The following SYTL2 variants were observed in gnomAD, a reference collection of about 807,000 sequenced individuals.
The protein encoded by SYTL2 is synaptotagmin like 2, also known as synaptotagmin-like protein 2.
Under a neutral mutation model 198.7 loss-of-function variants are expected in SYTL2, and 165 were observed. That is an observed-to-expected ratio of 0.83 (90% CI 0.73 to 0.94). SYTL2 has a LOEUF of 0.94. SYTL2 is among the 40% of genes least tolerant of loss of function. The pLI, the probability that SYTL2 is intolerant of heterozygous loss-of-function variation, is 0.00. For synonymous variants in SYTL2, 966 were observed against 917.7 expected (o/e 1.05, Z -0.95); for missense variants, 2,835 against 2,582.8 (o/e 1.10, Z -2.12).
the SYTL2 span, among the ~76,000 whole-genome samples, chr11:85,850,232 A>C: frequency 2.0e-5 from 3 of 150,758 alleles, no homozygotes; most frequent in African/African-American, 4.9e-5. Flanking sequence ...GTCGTCTGCA[A>C]ACAGGGACAA....
chr11:85,736,409 G>T, intron 6 of SYTL2, 92 bp downstream of exon 6: 1 of 668,956 alleles, frequency 1.5e-6, no homozygotes. Context: ...ACTTTCTCTT[G>T]GAAGTTATTT....
chr11:85,735,183 A>G (rs589327), intron 6 of SYTL2, among the ~76,000 whole-genome samples: 102,124 of 152,100 alleles, frequency 0.67, 34,824 homozygotes, highest in African/African-American at 0.79. Flanking sequence ...CTTTTGCTCA[A>G]TATTGTGAAC....
chr11:85,723,619 A>G (rs1326470069), intron 8 of SYTL2, among the ~76,000 whole-genome samples: 1 of 152,216 alleles, frequency 6.6e-6, no homozygotes, highest in Non-Finnish European at 1.5e-5. Context: ...GCTTAAATGT[A>G]TTAAAGGTAC....
At chr11:85,735,275 T>G (rs2090226032) in intron 6 of SYTL2, among the ~76,000 whole-genome samples, 2 of 152,240 alleles carry the variant, frequency 1.3e-5, no homozygotes, top group Admixed American at 1.3e-4. Context: ...ATTACTGTGC[T>G]TTATATAGTT....
At chr11:85,754,091 G>C (rs1760316158) in intron 2 of SYTL2, among the ~76,000 whole-genome samples, 1 of 152,170 alleles carries the variant, frequency 6.6e-6, no homozygotes, top group South Asian at 2.1e-4. Context: ...ATGATGTTTT[G>C]ATTGGGCTGA....
chr11:85,723,389 G>A (rs1198184228), intron 8 of SYTL2, among the ~76,000 whole-genome samples: 3 of 152,186 alleles, frequency 2.0e-5, no homozygotes, highest in African/African-American at 7.2e-5. Flanking sequence ...ATGAGAGGGA[G>A]AAAGTGGCAA....
chr11:85,829,921 G>C, the SYTL2 span, among the ~76,000 whole-genome samples: 2 of 152,174 alleles, frequency 1.3e-5, no homozygotes, highest in East Asian at 3.8e-4. Flanking sequence ...CTTTGAAACA[G>C]CAGTACACTA....
intron 1 of SYTL2, among the ~76,000 whole-genome samples, chr11:85,790,576 A>C (rs2092713921): frequency 6.6e-6 from 1 of 152,192 alleles, no homozygotes; most frequent in Non-Finnish European, 1.5e-5. Context: ...CAATGTGCCC[A>C]ACCCTGTGCC....
intron 15 of SYTL2, among the ~76,000 whole-genome samples, chr11:85,705,521 A>G (rs2084992409): frequency 6.6e-6 from 1 of 152,132 alleles, no homozygotes; most frequent in South Asian, 2.1e-4. Context: ...CACCTCCCCC[A>G]CTATCAACAT....
At chr11:85,805,391 C>T (rs1010682303) in intron 1 of SYTL2, among the ~76,000 whole-genome samples, 1 of 151,974 alleles carries the variant, frequency 6.6e-6, no homozygotes, top group Non-Finnish European at 1.5e-5. Context: ...AAATGCTAGT[C>T]TAAAACCAAC....
rs374384471 is a variant in SYTL2 at position 85,725,683 on chromosome 11, G to C, written c.3675C>G (p.Pro1225=). 2.2e-5 allele frequency: 35 copies of C among 1,613,914 alleles called. No individual in the cohort carries two copies. In the African/African-American group the frequency reaches 4.1e-4, roughly 19 times the overall value. The change falls in exon 8 of 20, where the codon CCC becomes CCG. Residue 1225 remains proline, a synonymous_variant. Transcript: ENST00000359152. ...KLLKEATGTS[P]SPLQAKLAPV... ...GCGCCAACTTGGCTTGCAAGGGAGA[G>C]GGTGAAGTTCCAGTTGCTTCCTTCA... is the stretch of plus-strand genomic sequence containing the variant.
chr11:85,725,974 G>A lies in SYTL2; in HGVS notation c.3384C>T (p.Cys1128=). 1.2e-6 allele frequency: 2 copies of A among 1,614,092 alleles called. No homozygotes were observed. The highest frequency in any genetic ancestry group is 1.3e-5 in the African/African-American group (1 of 75,056). Residue 1128 remains cysteine (C), a synonymous_variant, in exon 8 of 20, where the codon TGC becomes TGT. Coordinates refer to ENST00000359152, the MANE Select transcript of SYTL2 (RefSeq NM_206927.4). ...GCAAGCTGTCATTAAAAGTGTCTTT[G>A]CAGTCTTTAGACAAAACATTGGTTT... ...IIKTNVLSKD[C]KDTFNDSLQK...
intron 7 of SYTL2, among the ~76,000 whole-genome samples, chr11:85,728,698 T>C (rs2153473607): frequency 6.6e-6 from 1 of 152,302 alleles, no homozygotes; most frequent in African/African-American, 2.4e-5. Flanking sequence ...CCCTGGCACA[T>C]ATCATAAACC....
At chr11:85,832,870 C>A in the SYTL2 span, among the ~76,000 whole-genome samples, 1 of 150,776 alleles carries the variant, frequency 6.6e-6, no homozygotes, top group Non-Finnish European at 1.5e-5. Flanking sequence ...GTGGCATGTG[C>A]CTGTAGTCCC....
intron 3 of SYTL2, among the ~76,000 whole-genome samples, chr11:85,746,558 C>T (rs2091167479): frequency 6.6e-6 from 1 of 152,160 alleles, no homozygotes; most frequent in Admixed American, 6.5e-5. Context: ...TTGCCTAAGG[C>T]CACAGAGCCA....
intron 1 of SYTL2, among the ~76,000 whole-genome samples, chr11:85,781,810 C>T (rs1681544985): frequency 6.6e-6 from 1 of 152,182 alleles, no homozygotes; most frequent in African/African-American, 2.4e-5. Flanking sequence ...CATGCTGATG[C>T]AAAAGGTTGG....
the SYTL2 span, among the ~76,000 whole-genome samples, chr11:85,817,432 A>G: frequency 1.3e-5 from 2 of 152,208 alleles, no homozygotes; most frequent in Non-Finnish European, 2.9e-5. Flanking sequence ...CTCATCAGTA[A>G]TTTTGTATTG....
chr11:85,714,417 T>C lies in SYTL2; in HGVS notation c.5621A>G (p.Asp1874Gly). Reference protein sequence around the residue: ...MSKSVPAFLQDESDDRETDTA... With the variant: ...MSKSVPAFLQGESDDRETDTA... ...AGGTACAAAAGACAAACTTGCCTCA[T>C]CTTGGAGAAATGCTGGAACAGACTT... The change falls in exon 12 of 20, where the codon GAT (aspartate) becomes GGT (glycine). Residue 1874 changes from aspartate to glycine, a missense_variant. Physicochemically the swap from Asp to Gly is moderately conservative, Grantham distance 94. Coordinates refer to ENST00000359152, the MANE Select transcript of SYTL2 (RefSeq NM_206927.4). 1 of 1,612,186 alleles carries C rather than the reference T, an allele frequency of 6.2e-7. No homozygotes were observed. The highest frequency in any genetic ancestry group is 8.5e-7 in the Non-Finnish European group (1 of 1,178,316).
chr11:85,838,374 T>C, the SYTL2 span, among the ~76,000 whole-genome samples: 3 of 152,186 alleles, frequency 2.0e-5, no homozygotes, highest in Non-Finnish European at 2.9e-5. Flanking sequence ...GATGTAGATA[T>C]AGACATAGGT....
Sources: gnomAD v4.1 joint callset for allele counts (sites outside exome capture counted in the v4.1 genomes callset) on GRCh38, gnomAD v4.1.1 for gene constraint, MANE v1.5 for transcripts, NCBI Gene and HGNC (gene_info 2026-07-23, HGNC 2026-07-21) for gene names.